The following HSDL1 variants were observed in gnomAD, a reference collection of about 807,000 sequenced individuals.
The protein encoded by HSDL1 is hydroxysteroid dehydrogenase like 1.
A neutral mutation model predicts 31.5 loss-of-function variants in HSDL1; 29 were observed. The ratio of observed to expected loss-of-function variants is 0.92; its 90% CI spans 0.69 to 1.26. The LOEUF (loss-of-function observed/expected upper bound fraction) is 1.26. HSDL1 is among the 50% of genes most tolerant of loss of function. HSDL1 has a pLI of 0.00. For missense variants in HSDL1, 503 were observed against 416.6 expected, an observed-to-expected ratio of 1.21 and a Z score of -1.81; for synonymous variants, 222 against 155.2, an observed-to-expected ratio of 1.43 and a Z score of -3.20.
intron 5 of HSDL1, chr16:84,125,234 CCAATCACAACAAATACCCACCAAT>C (rs1555516323): frequency 6.4e-6 from 1 of 156,692 alleles, no homozygotes; most frequent in Non-Finnish European, 1.4e-5. Flanking sequence ...CAAATACCCA[CCAATCACAACAAATACCCACCAAT>C]CAATCACAAC....
At chr16:84,132,894 T>A (rs2086681339) in intron 2 of HSDL1, among the ~76,000 whole-genome samples, 1 of 149,934 alleles carries the variant, frequency 6.7e-6, no homozygotes, top group Non-Finnish European at 1.5e-5. Context: ...GCTTATATTC[T>A]AAAAAGAACA....
intron 1 of HSDL1, among the ~76,000 whole-genome samples, chr16:84,143,996 C>A (rs1281606567): frequency 6.6e-6 from 1 of 151,560 alleles, no homozygotes; most frequent in African/African-American, 2.4e-5. Context: ...ACAGCCCGGG[C>A]GACAGAGCGA....
chr16:84,131,005 G>A (rs2086658885), intron 3 of HSDL1, 97 bp downstream of exon 3: 2 of 950,200 alleles, frequency 2.1e-6, no homozygotes, highest in East Asian at 4.8e-5. Flanking sequence ...TTTTTTATCA[G>A]CATGTTCCCA....
chr16:84,144,902 G>C (rs1021062468), intron 1 of HSDL1, among the ~76,000 whole-genome samples, 178 bp downstream of exon 1: 27 of 151,754 alleles, frequency 1.8e-4, no homozygotes, highest in Non-Finnish European at 3.5e-4. Flanking sequence ...GATTTCCTGG[G>C]GTCAGGGGCG....
At chr16:84,131,836 C>T (rs1466106945) in intron 2 of HSDL1, among the ~76,000 whole-genome samples, 3 of 152,164 alleles carry the variant, frequency 2.0e-5, no homozygotes, top group Admixed American at 6.5e-5. Flanking sequence ...CCCGCCACCT[C>T]GCCCGGCTAA....
intron 5 of HSDL1, chr16:84,125,207 A>C (rs2086594312): frequency 1.3e-5 from 2 of 154,324 alleles, no homozygotes; most frequent in Admixed American, 6.5e-5. Context: ...ATCACAACAA[A>C]TACCCACCAA....
At position 84,124,599 on chromosome 16, in the gene HSDL1, T is replaced by G. The variant is rs761141859; in HGVS notation, c.*31A>C. 1 of 1,384,012 alleles carries G rather than the reference T, an allele frequency of 7.2e-7. No homozygotes were observed. The highest frequency in any genetic ancestry group is 1.7e-5 in the Admixed American group (1 of 59,236). 85.7% of individuals were successfully genotyped at this position (1,384,012 alleles called of 1,614,324 possible). A position where few individuals can be genotyped will look rare whatever the true frequency, so the allele number is the denominator to read the frequency against. On this transcript the variant is annotated 3_prime_UTR_variant, in exon 6 of 6. Transcript: ENST00000219439. Reference sequence around the variant, plus strand: ...GTCAGAATATCGAGGTTCCCAGGAGTTGGCAAAACTTCTCAAGTGGCCATC... The same window carrying G: ...GTCAGAATATCGAGGTTCCCAGGAGGTGGCAAAACTTCTCAAGTGGCCATC...
intron 5 of HSDL1, among the ~76,000 whole-genome samples, chr16:84,126,903 CAG>C (rs748352151): frequency 5.9e-5 from 9 of 152,082 alleles, no homozygotes; most frequent in South Asian, 4.1e-4. Context: ...AAAATGAAAA[CAG>C]AAAGTTTTAA....
intron 1 of HSDL1, among the ~76,000 whole-genome samples, chr16:84,143,896 G>T (rs1012673232): frequency 2.0e-5 from 3 of 151,894 alleles, no homozygotes; most frequent in Non-Finnish European, 4.4e-5. Flanking sequence ...CCAGCTACTC[G>T]GAAGGCTGAG....
chr16:84,127,155 T>A (rs975895078), intron 5 of HSDL1, among the ~76,000 whole-genome samples: 1 of 151,972 alleles, frequency 6.6e-6, no homozygotes, highest in Non-Finnish European at 1.5e-5. Flanking sequence ...TTTCTCTGCT[T>A]TTCTCAAGTA....
chr16:84,130,009 G>C lies in HSDL1; in HGVS notation c.643C>G (p.Leu215Val), dbSNP rs758769206. The change falls in exon 4 of 6, where the codon CTG (leucine) becomes GTG (valine). Residue 215 changes from leucine (L) to valine (V), a missense_variant. Transcript: ENST00000219439. ...SGSCCKPTPQ[L>V]AAFSASKAYL... is the part of the protein sequence containing the mutation. ...ACCTTAGAAGCAGAAAATGCAGCCA[G>C]CTGAGGAGTGGGTTTGCAGCAGGAG... The C allele has an allele frequency of 6.2e-6, 10 of 1,613,978 alleles. No individual in the cohort carries two copies. The East Asian group carries it at 1.6e-4, about 25-fold the overall frequency.
At chr16:84,126,996 G>A (rs1461070842) in intron 5 of HSDL1, among the ~76,000 whole-genome samples, 1 of 152,134 alleles carries the variant, frequency 6.6e-6, no homozygotes, top group Non-Finnish European at 1.5e-5. Flanking sequence ...CTCAAGGAAA[G>A]TTTATCAATG....
At chr16:84,130,487 A>G (rs1330405578) in intron 3 of HSDL1, 56 bp from the exon 4 acceptor site, 7 of 1,441,264 alleles carry the variant, frequency 4.9e-6, no homozygotes, top group Non-Finnish European at 6.6e-6. Flanking sequence ...GACCCTTAAA[A>G]TGGACCCAAA....
intron 1 of HSDL1, among the ~76,000 whole-genome samples, chr16:84,140,497 T>C (rs374695166): frequency 1.3e-5 from 2 of 152,078 alleles, no homozygotes; most frequent in African/African-American, 4.8e-5. Context: ...ACTCCTGACC[T>C]CAAGTGATCC....
At chr16:84,134,947 C>T (rs1433635519) in intron 2 of HSDL1, among the ~76,000 whole-genome samples, 5 of 152,078 alleles carry the variant, frequency 3.3e-5, no homozygotes, top group African/African-American at 1.2e-4. Context: ...AAAATAGATA[C>T]TACAGGCCAG....
intron 2 of HSDL1, among the ~76,000 whole-genome samples, chr16:84,134,391 G>A (rs567633914): frequency 1.1e-4 from 17 of 152,248 alleles, no homozygotes; most frequent in African/African-American, 2.4e-4. Context: ...GGGAGGCCGA[G>A]GTGGGCAGAT....
At position 84,129,823 on chromosome 16, in the gene HSDL1, G is replaced by A. The variant is rs776833999; in HGVS notation, c.667-48C>T. 4.6e-6 allele frequency: 7 copies of A among 1,511,680 alleles called. No individual in the cohort carries two copies. The South Asian group carries it at 7.1e-5, about 15-fold the overall frequency. 93.6% of individuals were successfully genotyped at this position (1,511,680 alleles called of 1,614,324 possible). A position where few individuals can be genotyped will look rare whatever the true frequency, so the allele number is the denominator to read the frequency against. ...AAGACTTTTAATTCTGGGTGAACTTGAAAATTCAGGAGAAAAAAAGACTTG... is the reference window on the plus strand; with the variant it reads ...AAGACTTTTAATTCTGGGTGAACTTAAAAATTCAGGAGAAAAAAAGACTTG... On this transcript the variant is annotated intron_variant, in intron 4 of 5. Coordinates refer to ENST00000219439, the MANE Select transcript of HSDL1 (RefSeq NM_031463.5).
chr16:84,129,494 G>C, intron 5 of HSDL1, 54 bp downstream of exon 5: 1 of 1,230,808 alleles, frequency 8.1e-7, no homozygotes. Context: ...CTGTATCACT[G>C]AGATAGGTTC....
At position 84,123,377 on chromosome 16, in the gene HSDL1, A is replaced by G. The variant is rs2086573334; in HGVS notation, c.*1253T>C. The G allele has an allele frequency of 6.6e-6, 1 of 152,200 alleles. No individual in the cohort carries two copies. Among genetic ancestry groups the G allele is most frequent in the Non-Finnish European group, 1.5e-5 (1 of 68,042 alleles). The allele number at this position is 152,200 out of a possible 1,614,324, so 9.4% of individuals were successfully genotyped here. A position where few individuals can be genotyped will look rare whatever the true frequency, so the allele number is the denominator to read the frequency against. ...GAATTTTAAATGTGCACATATTGTC[A>G]TATTCATATAGTGACTTAGAGTTTT... On this transcript the variant is annotated 3_prime_UTR_variant, in exon 6 of 6. Transcript: ENST00000219439.
Sources: gnomAD v4.1 joint callset for allele counts (sites outside exome capture counted in the v4.1 genomes callset) on GRCh38, gnomAD v4.1.1 for gene constraint, MANE v1.5 for transcripts, NCBI Gene and HGNC (gene_info 2026-07-23, HGNC 2026-07-21) for gene names.